Variants in TJP1 observed in about 807,000 individuals in gnomAD.
TJP1 encodes the protein tight junction protein ZO-1.
A neutral mutation model predicts 194.2 loss-of-function variants in TJP1; 43 were observed. That is an observed-to-expected ratio of 0.22 (90% CI 0.17 to 0.29). The LOEUF (loss-of-function observed/expected upper bound fraction) is 0.29, where lower values mean the gene tolerates loss of function less well. Among genes scored for constraint, TJP1 ranks in the 10% least tolerant of loss-of-function variants. TJP1 has a pLI of 1.00. For synonymous variants in TJP1, 801 were observed against 779.0 expected (o/e 1.03, Z -0.47); for missense variants, 1,971 against 2,185.7 (o/e 0.90, Z 1.96).
intron 27 of TJP1, among the ~76,000 whole-genome samples, chr15:29,703,221 C>T (rs1403164729): frequency 2.0e-5 from 3 of 152,060 alleles, no homozygotes; most frequent in Non-Finnish European, 2.9e-5. Flanking sequence ...GAGGCCGAGG[C>T]GGGTGGATCA....
In TJP1 at chr15:29,822,041, C is replaced by A. The variant is rs113639325; in HGVS notation, c.-13G>T. 7.6e-7 allele frequency: 1 copy of A among 1,320,130 alleles called. No homozygotes were observed. Among genetic ancestry groups the A allele is most frequent in the Non-Finnish European group, 9.7e-7 (1 of 1,033,768 alleles). 81.8% of individuals were successfully genotyped at this position (1,320,130 alleles called of 1,614,324 possible). A position where few individuals can be genotyped will look rare whatever the true frequency, so the allele number is the denominator to read the frequency against. ...CTCTGGCGGACATCTTGTCTCTCTC[C>A]AGCGCCGCGCGAGGCTCCTCGGACC... On this transcript the variant is annotated 5_prime_UTR_variant, in exon 1 of 28. Transcript: ENST00000614355.
chr15:29,817,205 T>C (rs1308227444), intron 1 of TJP1, among the ~76,000 whole-genome samples: 1 of 152,200 alleles, frequency 6.6e-6, no homozygotes, highest in African/African-American at 2.4e-5. Context: ...AGGAGGTATT[T>C]ATGCGGCCAA....
rs772067943 is a variant in TJP1 at position 29,716,731 on chromosome 15, T to A, written c.4082A>T (p.Tyr1361Phe). ...DEEYYRKQLS[Y>F]FDRRSFENKP... ...ATTCTCAAAACTTCTTCGGTCAAAG[T>A]ATGACAGCTGTTTTCGATAATATTC... Residue 1361 changes from tyrosine to phenylalanine, a missense_variant, in exon 23 of 28, where the codon TAC (tyrosine) becomes TTC (phenylalanine). This residue lies in a region of TJP1 where 1,108 missense variants were observed against 1,128.5 expected (regional missense o/e 0.98). Coordinates refer to ENST00000614355, the MANE Select transcript of TJP1 (RefSeq NM_001330239.4). 1 of 1,614,178 alleles carries A rather than the reference T, an allele frequency of 6.2e-7. No individual in the cohort carries two copies. The highest frequency in any genetic ancestry group is 1.1e-5 in the South Asian group (1 of 91,080).
At chr15:29,938,281 T>G (rs1396071408) in intron 2 of TJP1, among the ~76,000 whole-genome samples, 2 of 152,212 alleles carry the variant, frequency 1.3e-5, no homozygotes, top group Non-Finnish European at 2.9e-5. Context: ...AAAAACATTT[T>G]AAAAACTAAT....
intron 2 of TJP1, among the ~76,000 whole-genome samples, chr15:29,844,727 G>A (rs1191797569): frequency 2.0e-5 from 3 of 152,206 alleles, no homozygotes; most frequent in African/African-American, 7.2e-5. Flanking sequence ...TGTGAGTCAT[G>A]TATTACATAT....
At chr15:29,761,860 C>A (rs1426645568) in intron 6 of TJP1, 91 bp from the exon 7 acceptor site, 1 of 1,284,270 alleles carries the variant, frequency 7.8e-7, no homozygotes, top group Non-Finnish European at 1.0e-6. Context: ...CCAAACCACT[C>A]CTTGCTATGA....
At chr15:29,934,137 A>G (rs1400743849) in intron 2 of TJP1, among the ~76,000 whole-genome samples, 1 of 152,242 alleles carries the variant, frequency 6.6e-6, no homozygotes, top group East Asian at 1.9e-4. Context: ...GAATGTTTCA[A>G]ACCAGTTAAG....
intron 2 of TJP1, among the ~76,000 whole-genome samples, chr15:29,791,413 CTTTTTTT>C (rs34201715): frequency 1.6e-4 from 8 of 51,190 alleles, no homozygotes; most frequent in South Asian, 2.0e-3. Context: ...CCATAATATT[CTTTTTTT>C]TTTTTTTTTT....
intron 18 of TJP1, among the ~76,000 whole-genome samples, chr15:29,722,011 T>C (rs1368142167): frequency 6.6e-6 from 1 of 152,228 alleles, no homozygotes; most frequent in African/African-American, 2.4e-5. Context: ...TTCATATGTG[T>C]GCACAAACAG....
chr15:29,740,443 C>T (rs1003767023), intron 10 of TJP1, among the ~76,000 whole-genome samples: 8 of 151,720 alleles, frequency 5.3e-5, no homozygotes, highest in African/African-American at 1.5e-4. Context: ...CTGGGCAATG[C>T]GGCGAAACAA....
At chr15:29,774,820 G>A (rs1333224017) in intron 2 of TJP1, among the ~76,000 whole-genome samples, 1 of 151,860 alleles carries the variant, frequency 6.6e-6, no homozygotes, top group Non-Finnish European at 1.5e-5. Flanking sequence ...AAATTTCTGA[G>A]TAACTGAAGA....
rs748619818 is a variant in TJP1 at position 29,761,214 on chromosome 15, C to T, written c.935G>A (p.Arg312Gln). 16 of 1,614,036 alleles carry T rather than the reference C, an allele frequency of 9.9e-6. No homozygotes were observed. The highest frequency in any genetic ancestry group is 8.9e-5 in the East Asian group (4 of 44,860). Residue 312 changes from arginine to glutamine, a missense_variant, in exon 8 of 28, where the codon CGG becomes CAG. By Grantham distance (43) the Arg-to-Gln change is conservative. Around this residue, in one of 5 missense-constraint regions of TJP1, gnomAD observed 192 missense variants for 182.3 expected, o/e 1.05. Coordinates refer to ENST00000614355, the MANE Select transcript of TJP1 (RefSeq NM_001330239.4). ...RSHDRPPRRS[R>Q]SRSPDQRSEP... ...TGACCGCTGGTCAGGAGATCGTGAC[C>T]GGCTGCGGCGGGGAGGCCTATCGTG...
chr15:29,850,706 G>GCA (rs1253395934), intron 2 of TJP1, among the ~76,000 whole-genome samples: 2 of 152,058 alleles, frequency 1.3e-5, no homozygotes, highest in East Asian at 3.9e-4. Flanking sequence ...AATAGGCTGG[G>GCA]CACAGTGGCT....
At chr15:29,805,764 T>C (rs1000014429) in intron 1 of TJP1, among the ~76,000 whole-genome samples, 3 of 152,166 alleles carry the variant, frequency 2.0e-5, no homozygotes, top group Non-Finnish European at 4.4e-5. Flanking sequence ...AGAGCTGTTA[T>C]GGAAGATGCA....
intron 2 of TJP1, among the ~76,000 whole-genome samples, chr15:29,872,259 T>C (rs886989680): frequency 2.2e-4 from 34 of 152,204 alleles, no homozygotes; most frequent in Non-Finnish European, 8.8e-5. Flanking sequence ...CATGTGCAAA[T>C]AACTGTGCTA....
chr15:29,720,770 T>C, intron 18 of TJP1, 62 bp from the exon 19 acceptor site: 1 of 1,300,596 alleles, frequency 7.7e-7, no homozygotes, highest in Non-Finnish European at 1.1e-6. Context: ...ATGGCCTTTA[T>C]CGTACAAGGC....
At chr15:29,906,674 G>C (rs1016807988) in intron 2 of TJP1, among the ~76,000 whole-genome samples, 1 of 151,618 alleles carries the variant, frequency 6.6e-6, no homozygotes, top group African/African-American at 2.4e-5. Context: ...CCGCCTCCTG[G>C]GTTCAAGCGA....
At chr15:29,819,819 T>C (rs564233518) in intron 1 of TJP1, among the ~76,000 whole-genome samples, 6 of 152,348 alleles carry the variant, frequency 3.9e-5, no homozygotes, top group Admixed American at 2.0e-4. Flanking sequence ...CCAATATTTG[T>C]TATATTTATT....
At chr15:29,769,694 A>G (rs941066413) in intron 4 of TJP1, among the ~76,000 whole-genome samples, 1 of 152,150 alleles carries the variant, frequency 6.6e-6, no homozygotes, top group African/African-American at 2.4e-5. Context: ...TCACCTAGGG[A>G]CGCCACAGGG....
Sources: gnomAD v4.1 joint callset for allele counts (sites outside exome capture counted in the v4.1 genomes callset) on GRCh38, gnomAD v4.1.1 for gene constraint, gnomAD v4.1.1 regional missense constraint, MANE v1.5 for transcripts, NCBI Gene and HGNC (gene_info 2026-07-23, HGNC 2026-07-21) for gene names.